The following ATAT1 variants were observed in gnomAD, a reference collection of about 807,000 sequenced individuals.
ATAT1 encodes the protein alpha tubulin acetyltransferase 1, also known as alpha-tubulin N-acetyltransferase 1.
A neutral mutation model predicts 57.2 loss-of-function variants in ATAT1; 42 were observed. The observed-to-expected ratio is 0.73, with a 90% CI of 0.57 to 0.95. The LOEUF (loss-of-function observed/expected upper bound fraction) is 0.95, where lower values mean the gene tolerates loss of function less well. Ranked by LOEUF, ATAT1 falls within the 40% of genes least tolerant of loss-of-function variation. ATAT1 has a pLI of 0.00. For missense variants in ATAT1, 454 were observed against 523.7 expected, an observed-to-expected ratio of 0.87 and a Z score of 1.30; for synonymous variants, 168 against 187.1, an observed-to-expected ratio of 0.90 and a Z score of 0.83.
Position 30,642,833 on chromosome 6 carries a change from G to GGGGGGGGGGGCCCCCCCCCCCCCCCCCCC in ATAT1, c.754_755insGGGGGGGGGGCCCCCCCCCCCCCCCCCCC (p.Ala252GlyfsTer77). 1 of 1,537,868 alleles carries GGGGGGGGGGGCCCCCCCCCCCCCCCCCCC rather than the reference G, an allele frequency of 6.5e-7. No homozygotes were observed. The highest frequency in any genetic ancestry group is 8.7e-7 in the Non-Finnish European group (1 of 1,145,776). On this transcript the variant is annotated frameshift_variant, in exon 10 of 13. Transcript: ENST00000330083. LOFTEE classifies it high-confidence loss of function. ...GGCCCCTCGCCGCGCCACACCTCCAGCCCACCCACCCCCCCGCTCCAGCAG... is the reference window on the plus strand; with the variant it reads ...GGCCCCTCGCCGCGCCACACCTCCAGGGGGGGGGGGCCCCCCCCCCCCCCCCCCCCCCACCCACCCCCCCGCTCCAGCAG...
In ATAT1 at chr6:30,642,831, C is replaced by CAG; in HGVS notation, c.753_754dup (p.Ala252GlufsTer68). Reference sequence around the variant, plus strand: ...AGGGCCCCTCGCCGCGCCACACCTCCAGCCCACCCACCCCCCCGCTCCAGC... The same window carrying CAG: ...AGGGCCCCTCGCCGCGCCACACCTCCAGAGCCCACCCACCCCCCCGCTCCAGC... On this transcript the variant is annotated frameshift_variant, in exon 10 of 13. Coordinates refer to ENST00000330083, the MANE Select transcript of ATAT1 (RefSeq NM_001031722.4). LOFTEE classifies it high-confidence loss of function. The CAG allele has an allele frequency of 2.5e-6, 4 of 1,583,210 alleles. No homozygotes were observed. The South Asian group carries it at 3.4e-5, about 13-fold the overall frequency.
At chr6:30,634,709 C>G (rs1263914714) in intron 6 of ATAT1, among the ~76,000 whole-genome samples, 1 of 145,700 alleles carries the variant, frequency 6.9e-6, no homozygotes, top group Non-Finnish European at 1.5e-5. Flanking sequence ...AAAAAAAAGC[C>G]TGGGCGCGGT....
In ATAT1 at chr6:30,646,456, C is replaced by T; in HGVS notation, c.1056-13C>T. The T allele has an allele frequency of 6.4e-7, 1 of 1,558,892 alleles. No homozygotes were observed. The highest frequency in any genetic ancestry group is 1.4e-5 in the African/African-American group (1 of 73,264). Reference sequence around the variant, plus strand: ...TATTCCTATAACCCACTCTCCATCTCCCCACCTACCAGGTCTGCCAGTGAG... The same window carrying T: ...TATTCCTATAACCCACTCTCCATCTTCCCACCTACCAGGTCTGCCAGTGAG... On this transcript the variant is annotated splice_polypyrimidine_tract_variant and intron_variant, in intron 12 of 12. Coordinates refer to ENST00000330083, the MANE Select transcript of ATAT1 (RefSeq NM_001031722.4).
chr6:30,642,575 G>A (rs1478456128), intron 9 of ATAT1, among the ~76,000 whole-genome samples, 193 bp from the exon 10 acceptor site: 2 of 151,758 alleles, frequency 1.3e-5, no homozygotes, highest in Non-Finnish European at 2.9e-5. Flanking sequence ...CCCAGGAGGC[G>A]GAAGTTGCAG....
chr6:30,631,937 T>C (rs569781970), intron 6 of ATAT1, among the ~76,000 whole-genome samples: 1 of 152,046 alleles, frequency 6.6e-6, no homozygotes, highest in Middle Eastern at 3.4e-3. Context: ...AGGAGTATGG[T>C]AGGAGATGAG....
At chr6:30,630,363 C>T (rs1440283933) in intron 6 of ATAT1, among the ~76,000 whole-genome samples, 1 of 151,998 alleles carries the variant, frequency 6.6e-6, no homozygotes, top group Non-Finnish European at 1.5e-5. Context: ...AGGTGCGGTG[C>T]GGTGGCCCAT....
At chr6:30,639,173 G>A (rs185862867) in intron 6 of ATAT1, among the ~76,000 whole-genome samples, 2 of 152,142 alleles carry the variant, frequency 1.3e-5, no homozygotes, top group African/African-American at 4.8e-5. Flanking sequence ...ATAGACACAG[G>A]GTTTCACCAT....
At chr6:30,627,608 A>G in intron 2 of ATAT1, 28 bp from the exon 3 acceptor site, 1 of 1,610,720 alleles carries the variant, frequency 6.2e-7, no homozygotes, top group Non-Finnish European at 8.5e-7. Context: ...AGAGACTTGC[A>G]GAAAGTCTGA....
At chr6:30,640,181 A>T (rs1765105038) in intron 6 of ATAT1, among the ~76,000 whole-genome samples, 196 bp from the exon 7 acceptor site, 1 of 151,912 alleles carries the variant, frequency 6.6e-6, no homozygotes, top group Non-Finnish European at 1.5e-5. Context: ...GTACAGTAAC[A>T]TGCTGTACAG....
chr6:30,632,885 T>G (rs1005836565), intron 6 of ATAT1, among the ~76,000 whole-genome samples: 1 of 149,988 alleles, frequency 6.7e-6, no homozygotes, highest in Admixed American at 6.7e-5. Context: ...TGCAGTGAGC[T>G]GAGATTGTGC....
chr6:30,639,705 C>T (rs1764992287), intron 6 of ATAT1, among the ~76,000 whole-genome samples: 1 of 152,022 alleles, frequency 6.6e-6, no homozygotes, highest in Non-Finnish European at 1.5e-5. Flanking sequence ...TCTCGATCTC[C>T]TGACCTCATG....
chr6:30,645,477 G>A (rs1423898224), intron 10 of ATAT1, among the ~76,000 whole-genome samples: 2 of 152,066 alleles, frequency 1.3e-5, no homozygotes, highest in African/African-American at 4.8e-5. Context: ...GCCTCCCAAA[G>A]TGCTGGGATT....
Position 30,646,685 on chromosome 6 carries a change from C to T in ATAT1, c.*42C>T. ...CATCTTCAAAGTATTATTTCTCCCT[C>T]ACTACAGGAAAGAGCCAAAGCCCAA... On this transcript the variant is annotated 3_prime_UTR_variant, in exon 13 of 13. Coordinates refer to ENST00000330083, the MANE Select transcript of ATAT1 (RefSeq NM_001031722.4). 6.7e-7 allele frequency: 1 copy of T among 1,500,256 alleles called. No homozygotes were observed. The highest frequency in any genetic ancestry group is 8.9e-7 in the Non-Finnish European group (1 of 1,117,872). The allele number at this position is 1,500,256 out of a possible 1,614,324, so 92.9% of individuals were successfully genotyped here. A position where few individuals can be genotyped will look rare whatever the true frequency, so the allele number is the denominator to read the frequency against.
At chr6:30,639,480 T>C (rs1050590179) in intron 6 of ATAT1, among the ~76,000 whole-genome samples, 1 of 141,584 alleles carries the variant, frequency 7.1e-6, no homozygotes, top group Non-Finnish European at 1.6e-5. Flanking sequence ...ACTTTCTTTC[T>C]TTTTTTTTTT....
At chr6:30,641,976 G>C (rs1216943485) in intron 8 of ATAT1, 200 bp from the exon 9 acceptor site, 11 of 1,421,910 alleles carry the variant, frequency 7.7e-6, no homozygotes, top group Non-Finnish European at 1.0e-5. Flanking sequence ...ACTCCTTCTG[G>C]CTTTCCTCAA....
chr6:30,630,732 GT>G (rs1762675901), intron 6 of ATAT1, among the ~76,000 whole-genome samples: 1 of 152,008 alleles, frequency 6.6e-6, no homozygotes, highest in Admixed American at 6.6e-5. Flanking sequence ...GATATCAGGA[GT>G]TCGAGATCAG....
chr6:30,629,652 C>T (rs1762424158), intron 6 of ATAT1, among the ~76,000 whole-genome samples: 1 of 152,220 alleles, frequency 6.6e-6, no homozygotes, highest in African/African-American at 2.4e-5. Context: ...TCACGGCATT[C>T]TCCTGCCTCA....
chr6:30,628,556 T>C, intron 6 of ATAT1, 126 bp downstream of exon 6: 1 of 781,122 alleles, frequency 1.3e-6, no homozygotes, highest in Non-Finnish European at 2.1e-6. Context: ...AGGCTCTTTC[T>C]TTCTCTTGTG....
intron 6 of ATAT1, among the ~76,000 whole-genome samples, chr6:30,635,407 T>C (rs1174782136): frequency 2.0e-5 from 3 of 151,834 alleles, no homozygotes; most frequent in Non-Finnish European, 2.9e-5. Flanking sequence ...AAGACCAACA[T>C]GGTGAAACCC....
Sources: allele counts gnomAD v4.1 joint callset (sites outside exome capture counted in the v4.1 genomes callset), GRCh38; gene constraint gnomAD v4.1.1; transcripts MANE v1.5; gene names NCBI Gene and HGNC (gene_info 2026-07-23, HGNC 2026-07-21).